The following PTPRS variants were observed in gnomAD, a reference collection of about 807,000 sequenced individuals.
PTPRS encodes protein tyrosine phosphatase receptor type S.
In PTPRS, 63 loss-of-function variants were observed where a neutral mutation model predicts 215.3. That is an observed-to-expected ratio of 0.29 (90% CI 0.24 to 0.36). PTPRS has a LOEUF of 0.36. Among genes scored for constraint, PTPRS ranks in the 10% least tolerant of loss-of-function variants. The pLI is 1.00. For missense variants in PTPRS, 2,258 were observed against 2,825.8 expected, an observed-to-expected ratio of 0.80 and a Z score of 4.56; for synonymous variants, 1,404 against 1,191.4, an observed-to-expected ratio of 1.18 and a Z score of -3.68.
rs767327091 is a variant in PTPRS at position 5,240,259 on chromosome 19, C to T, written c.1644G>A (p.Pro548=). 66 of 1,589,162 alleles carry T rather than the reference C, an allele frequency of 4.2e-5. No homozygotes were observed. The highest frequency in any genetic ancestry group is 2.8e-4 in the South Asian group (24 of 86,724). ...ETSITLSWSP[P]RQESIIKYEL... is the part of the protein sequence containing the mutation. The stretch of plus-strand genomic sequence containing the variant: ...CGTACTTGATGATACTCTCCTGCCG[C>T]GGGGGGCTCCAGGACAGCGTGATGC... The change falls in exon 12 of 38, where the codon CCG becomes CCA. Residue 548 remains proline (P), a synonymous_variant. Transcript: ENST00000262963.
chr19:5,267,342 C>T (rs1317577439), intron 4 of PTPRS, among the ~76,000 whole-genome samples: 2 of 152,082 alleles, frequency 1.3e-5, no homozygotes, highest in South Asian at 2.1e-4. Flanking sequence ...TGACGGGCTG[C>T]CTTGCATCCA....
intron 2 of PTPRS, among the ~76,000 whole-genome samples, chr19:5,285,600 T>C (rs1017797983): frequency 6.6e-6 from 1 of 152,184 alleles, no homozygotes; most frequent in African/African-American, 2.4e-5. Context: ...CCACCAGGTG[T>C]AGGTACTGCC....
chr19:5,308,875 G>T (rs577724525), intron 1 of PTPRS, among the ~76,000 whole-genome samples: 48 of 152,292 alleles, frequency 3.2e-4, no homozygotes, highest in Non-Finnish European at 6.3e-4. Context: ...ACTAATTTTT[G>T]TATGTTCGTG....
chr19:5,214,799 G>GC, intron 28 of PTPRS, 63 bp from the exon 29 acceptor site: 1 of 1,500,368 alleles, frequency 6.7e-7, no homozygotes, highest in Non-Finnish European at 9.0e-7. Context: ...GCTCTGTGTG[G>GC]CCAACCACTT....
chr19:5,277,451 C>T (rs899605555), intron 2 of PTPRS, among the ~76,000 whole-genome samples: 4 of 151,928 alleles, frequency 2.6e-5, no homozygotes, highest in East Asian at 3.9e-4. Context: ...GTCAGGAGAT[C>T]GAGACCATCC....
At chr19:5,225,088 T>C (rs1266800719) in intron 17 of PTPRS, among the ~76,000 whole-genome samples, 1 of 152,088 alleles carries the variant, frequency 6.6e-6, no homozygotes, top group Non-Finnish European at 1.5e-5. Context: ...CAGCCTCTTT[T>C]TCTTAATTCA....
chr19:5,219,595 C>T (rs1157522120), intron 22 of PTPRS, 128 bp from the exon 23 acceptor site: 12 of 1,212,054 alleles, frequency 9.9e-6, no homozygotes, highest in Non-Finnish European at 1.3e-5. Flanking sequence ...GAACCTTGAC[C>T]CTGGTGGCCT....
At chr19:5,254,100 G>C (rs1486272406) in intron 9 of PTPRS, among the ~76,000 whole-genome samples, 2 of 152,178 alleles carry the variant, frequency 1.3e-5, no homozygotes, top group Non-Finnish European at 2.9e-5. Flanking sequence ...GGTCTTCAGA[G>C]ACCCTCTGTT....
chr19:5,251,076 CG>C (rs942834925), intron 9 of PTPRS: 3 of 129,648 alleles, frequency 2.3e-5, no homozygotes, highest in Admixed American at 9.2e-5. Flanking sequence ...GTGCAGCCTC[CG>C]GGGGGTTTAT....
At chr19:5,276,626 C>T (rs992587482) in intron 2 of PTPRS, among the ~76,000 whole-genome samples, 1 of 151,806 alleles carries the variant, frequency 6.6e-6, no homozygotes, top group Admixed American at 6.6e-5. Flanking sequence ...CTTCAAGCTC[C>T]GCCTCCCAGG....
At chr19:5,246,900 A>G (rs1057337828) in intron 9 of PTPRS, among the ~76,000 whole-genome samples, 1 of 151,898 alleles carries the variant, frequency 6.6e-6, no homozygotes, top group Non-Finnish European at 1.5e-5. Context: ...AGAGAGAGAG[A>G]GAGAAAGAGA....
chr19:5,215,459 G>C (rs1439064856), intron 27 of PTPRS, 39 bp downstream of exon 27: 1 of 1,609,418 alleles, frequency 6.2e-7, no homozygotes, highest in African/African-American at 1.3e-5. Context: ...GTGCCTGTGA[G>C]GCCGAGGTGA....
Position 5,210,409 on chromosome 19 carries a change from G to T in PTPRS, c.5487+60C>A. The T allele has an allele frequency of 1.2e-6, 2 of 1,609,528 alleles. No individual in the cohort carries two copies. Among genetic ancestry groups the T allele is most frequent in the Non-Finnish European group, 1.7e-6 (2 of 1,177,212 alleles). On this transcript the variant is annotated intron_variant, in intron 35 of 37. Coordinates refer to ENST00000262963, the MANE Select transcript of PTPRS (RefSeq NM_002850.4). The surrounding 1 kb of genome is among the most constrained non-coding windows in gnomAD (Gnocchi z 4.5). ...GCCTTTGTATCCATCACCAACCAGG[G>T]CAGCCCTTTCCAGATCACTAAGGCT...
At chr19:5,238,777 G>T in intron 13 of PTPRS, 142 bp downstream of exon 13, 1 of 1,190,698 alleles carries the variant, frequency 8.4e-7, no homozygotes, top group Non-Finnish European at 1.1e-6. Flanking sequence ...TGGATCCGAG[G>T]TCGGGGAACA....
chr19:5,215,619 C>T lies in PTPRS; in HGVS notation c.4097-24G>A, dbSNP rs374288937. ...GCCTACAGGGTGGAGCAGACCCCGC[C>T]GGGGTTGGTCACTTGGGGGGCCAGC... On this transcript the variant is annotated intron_variant, in intron 26 of 37. Coordinates refer to ENST00000262963, the MANE Select transcript of PTPRS (RefSeq NM_002850.4). 559 of 942,244 alleles carry T rather than the reference C, an allele frequency of 5.9e-4. 1 individual carries two copies. Among genetic ancestry groups the T allele is most frequent in the Non-Finnish European group, 7.3e-4 (533 of 732,490 alleles). 58.4% of individuals were successfully genotyped at this position (942,244 alleles called of 1,614,324 possible).
intron 30 of PTPRS, 40 bp from the exon 31 acceptor site, chr19:5,212,531 C>A (rs899585653): frequency 6.5e-7 from 1 of 1,545,512 alleles, no homozygotes; most frequent in Admixed American, 1.9e-5. Flanking sequence ...TCCGGCTCAA[C>A]CTGCCACCCA....
chr19:5,334,049 T>C (rs886934), intron 1 of PTPRS, among the ~76,000 whole-genome samples: 105,834 of 151,440 alleles, frequency 0.7, 38,511 homozygotes, highest in African/African-American at 0.91. Context: ...CTGGAGTGCC[T>C]GGAGCTCCCA....
rs1351083158 is a variant in PTPRS, at chr19:5,210,372, G to C, written c.5487+97C>G. On this transcript the variant is annotated intron_variant, in intron 35 of 37. Coordinates refer to ENST00000262963, the MANE Select transcript of PTPRS (RefSeq NM_002850.4). This position sits in a 1 kb window ranked among gnomAD's most constrained non-coding sequence, Gnocchi z 4.5. ...ACTTCTCCTGATTCCCAATGCTTAT[G>C]CCTAACCCTTGGCCTTTGTATCCAT... 6.5e-7 allele frequency: 1 copy of C among 1,539,756 alleles called. No individual in the cohort carries two copies. Among genetic ancestry groups the C allele is most frequent in the Non-Finnish European group, 8.9e-7 (1 of 1,125,650 alleles).
chr19:5,209,926 G>A (rs953085892), intron 35 of PTPRS, among the ~76,000 whole-genome samples: 4 of 152,014 alleles, frequency 2.6e-5, no homozygotes, highest in Admixed American at 6.6e-5. Flanking sequence ...TACCATCGTC[G>A]ATCTTCCACC....
Sources: gnomAD v4.1 joint callset for allele counts (sites outside exome capture counted in the v4.1 genomes callset) on GRCh38, gnomAD v4.1.1 for gene constraint, Gnocchi (gnomAD v3.1) non-coding constraint, MANE v1.5 for transcripts, NCBI Gene and HGNC (gene_info 2026-07-23, HGNC 2026-07-21) for gene names.